Variants in SLC6A16 observed in about 807,000 individuals in gnomAD.
SLC6A16 encodes orphan sodium- and chloride-dependent neurotransmitter transporter NTT5.
In SLC6A16, 54 loss-of-function variants were observed where a neutral mutation model predicts 65.4. That is an observed-to-expected ratio of 0.83 (90% CI 0.66 to 1.04). The LOEUF is 1.04. SLC6A16 is among the 50% of genes least tolerant of loss of function. SLC6A16 has a pLI of 0.00. For synonymous variants in SLC6A16, 330 were observed against 346.5 expected (o/e 0.95, Z 0.53); for missense variants, 816 against 914.0 (o/e 0.89, Z 1.38).
chr19:49,327,302 G>A (rs897368649), upstream of SLC6A16, among the ~76,000 whole-genome samples: 2 of 152,106 alleles, frequency 1.3e-5, no homozygotes, highest in Non-Finnish European at 2.9e-5. Context: ...TGGCCAGGCT[G>A]GTCTTGAACT....
At chr19:49,291,040 A>C (rs1402634853) in intron 10 of SLC6A16, among the ~76,000 whole-genome samples, 1 of 152,210 alleles carries the variant, frequency 6.6e-6, no homozygotes, top group Non-Finnish European at 1.5e-5. Flanking sequence ...TTCATCCCAT[A>C]AATATGAGAA....
At chr19:49,313,072 CAAAAAAAAAA>C (rs5828385) in intron 1 of SLC6A16, among the ~76,000 whole-genome samples, 3 of 95,814 alleles carry the variant, frequency 3.1e-5, no homozygotes, top group African/African-American at 1.1e-4. Context: ...AACCCTGTCT[CAAAAAAAAAA>C]AAAAAAAAAA....
upstream of SLC6A16, among the ~76,000 whole-genome samples, chr19:49,325,590 G>A (rs1341908103): frequency 1.3e-5 from 2 of 152,210 alleles, no homozygotes; most frequent in East Asian, 1.9e-4. Context: ...CAACAAGGCA[G>A]ACAGGGACGT....
the SLC6A16 span, chr19:49,331,834 T>C: frequency 8.8e-6 from 4 of 456,892 alleles, no homozygotes; most frequent in African/African-American, 8.0e-5. Flanking sequence ...CCTGTGTGCC[T>C]AGGAAAGAAG....
At chr19:49,290,475 G>T in intron 11 of SLC6A16, 83 bp from the exon 12 acceptor site, 1 of 1,559,780 alleles carries the variant, frequency 6.4e-7, no homozygotes, top group South Asian at 1.1e-5. Context: ...GATGGGTGGG[G>T]AACCAAAGCA....
At chr19:49,328,215 G>A (rs553905164), upstream of SLC6A16, among the ~76,000 whole-genome samples, 5 of 152,202 alleles carry the variant, frequency 3.3e-5, no homozygotes, top group South Asian at 1.0e-3. Context: ...GGCTGGGGAG[G>A]CCTCAGGAAA....
upstream of SLC6A16, among the ~76,000 whole-genome samples, chr19:49,327,449 G>A (rs1030699048): frequency 2.0e-5 from 3 of 152,180 alleles, no homozygotes; most frequent in African/African-American, 7.2e-5. Context: ...GAGGCTTAAA[G>A]GATTATTTGC....
chr19:49,294,316 G>T (rs759761740), intron 8 of SLC6A16, 51 bp downstream of exon 8: 2 of 1,562,150 alleles, frequency 1.3e-6, no homozygotes, highest in Non-Finnish European at 1.7e-6. Context: ...TTTCTGTTGT[G>T]CTAAAGGCTT....
chr19:49,325,232 G>A (rs1970781192), upstream of SLC6A16: 2 of 985,006 alleles, frequency 2.0e-6, no homozygotes, highest in Non-Finnish European at 2.4e-6. Context: ...CTGCGCATGC[G>A]CCGCCGCGCC....
At chr19:49,323,777 G>A (rs1051618731) in intron 1 of SLC6A16, among the ~76,000 whole-genome samples, 1 of 152,176 alleles carries the variant, frequency 6.6e-6, no homozygotes, top group African/African-American at 2.4e-5. Context: ...GTAAAATGGT[G>A]CAACCACCAT....
chr19:49,320,197 T>C (rs560018055), intron 1 of SLC6A16, among the ~76,000 whole-genome samples: 1 of 152,064 alleles, frequency 6.6e-6, no homozygotes, highest in Non-Finnish European at 1.5e-5. Flanking sequence ...TCATTTGAGG[T>C]CAGGAGTTCA....
upstream of SLC6A16, among the ~76,000 whole-genome samples, chr19:49,327,367 C>T (rs1295732875): frequency 6.6e-6 from 1 of 152,176 alleles, no homozygotes; most frequent in African/African-American, 2.4e-5. Context: ...GGATTACAGG[C>T]GTGAGCCACT....
intron 1 of SLC6A16, among the ~76,000 whole-genome samples, chr19:49,314,023 G>C (rs1305789128): frequency 6.6e-6 from 1 of 151,854 alleles, no homozygotes; most frequent in African/African-American, 2.4e-5. Flanking sequence ...GTGAACCTGG[G>C]AAGCGGAGTT....
At chr19:49,301,758 C>A (rs1158147062) in intron 7 of SLC6A16, among the ~76,000 whole-genome samples, 1 of 152,198 alleles carries the variant, frequency 6.6e-6, no homozygotes, top group Admixed American at 6.5e-5. Flanking sequence ...ACCATGGTCA[C>A]CCAGACCAGA....
chr19:49,309,343 C>T lies in SLC6A16; in HGVS notation c.945G>A (p.Leu315=), dbSNP rs1187850930. Residue 315 remains leucine, a synonymous_variant, in exon 6 of 12, where the codon CTG becomes CTA. Transcript: ENST00000335875. The part of the protein sequence containing the change: ...IVGFFIRTLL[L]EGAKFGLQQL... Reference sequence around the variant, plus strand: ...GTTGAAGGCCAAATTTTGCCCCTTCCAGGAGTAGAGTCCGGATGAAGAAAC... The same window carrying T: ...GTTGAAGGCCAAATTTTGCCCCTTCTAGGAGTAGAGTCCGGATGAAGAAAC... 2.5e-6 allele frequency: 4 copies of T among 1,613,990 alleles called. No individual in the cohort carries two copies. The highest frequency in any genetic ancestry group is 2.7e-5 in the African/African-American group (2 of 74,880).
the SLC6A16 span, chr19:49,338,196 G>A: frequency 2.1e-6 from 3 of 1,434,540 alleles, no homozygotes; most frequent in South Asian, 1.5e-5. The surrounding 1 kb of genome is among the most constrained non-coding windows in gnomAD (Gnocchi z 5.0). Flanking sequence ...AACTGTCCCC[G>A]GCGTCGCCTG....
chr19:49,300,545 T>C (rs1970269133), intron 7 of SLC6A16, among the ~76,000 whole-genome samples: 1 of 150,644 alleles, frequency 6.6e-6, no homozygotes. Flanking sequence ...ACTTCCAGAC[T>C]AGTGGAGGAA....
At chr19:49,297,721 T>C (rs1163807525) in intron 7 of SLC6A16, among the ~76,000 whole-genome samples, 1 of 152,082 alleles carries the variant, frequency 6.6e-6, no homozygotes, top group Non-Finnish European at 1.5e-5. Context: ...ATGAAGAAAT[T>C]GTGGTATAAT....
the SLC6A16 span, chr19:49,339,745 A>G: frequency 1.4e-6 from 2 of 1,383,754 alleles, no homozygotes; most frequent in Non-Finnish European, 1.9e-6. This position sits in a 1 kb window ranked among gnomAD's most constrained non-coding sequence, Gnocchi z 4.5. Flanking sequence ...TGGGGATTCG[A>G]GCCCCGGGCC....
Sources: allele counts gnomAD v4.1 joint callset (sites outside exome capture counted in the v4.1 genomes callset), GRCh38; gene constraint gnomAD v4.1.1; non-coding constraint Gnocchi (gnomAD v3.1); transcripts MANE v1.5; gene names NCBI Gene and HGNC (gene_info 2026-07-23, HGNC 2026-07-21).